Variants in RCOR1 observed in about 807,000 individuals in gnomAD.
RCOR1 encodes the protein REST corepressor.
RCOR1 carries 12 observed loss-of-function variants against 64.0 expected under a neutral mutation model. That is an observed-to-expected ratio of 0.19 (90% confidence interval 0.12 to 0.30). The LOEUF is 0.30. Ranked by LOEUF, RCOR1 falls within the 10% of genes least tolerant of loss-of-function variation. The pLI is 1.00. For synonymous variants in RCOR1, 279 were observed against 227.2 expected (o/e 1.23, Z -2.05); for missense variants, 502 against 621.2 (o/e 0.81, Z 2.04).
At chr14:102,652,840 G>A (rs1358443289) in intron 2 of RCOR1, among the ~76,000 whole-genome samples, 1 of 152,090 alleles carries the variant, frequency 6.6e-6, no homozygotes, top group African/African-American at 2.4e-5. Flanking sequence ...AATGTGTATC[G>A]GGAAGATTTG....
intron 2 of RCOR1, among the ~76,000 whole-genome samples, chr14:102,661,973 C>T (rs1049278279): frequency 3.3e-5 from 5 of 152,016 alleles, no homozygotes; most frequent in Non-Finnish European, 5.9e-5. Flanking sequence ...GTTGCCCAGG[C>T]TGGTCTCAAA....
intron 2 of RCOR1, among the ~76,000 whole-genome samples, chr14:102,662,901 G>A (rs574641030): frequency 6.6e-6 from 1 of 152,128 alleles, no homozygotes; most frequent in African/African-American, 2.4e-5. Context: ...ATTGCTAGAG[G>A]CTCGGGTAAA....
At chr14:102,650,387 T>G (rs2139928946) in intron 2 of RCOR1, among the ~76,000 whole-genome samples, 1 of 1,284 alleles carries the variant, frequency 7.8e-4, no homozygotes, top group East Asian at 0.028. Flanking sequence ...AATGGATGGA[T>G]GGGTGGGTGG....
At chr14:102,660,503 C>T (rs1261633686) in intron 2 of RCOR1, among the ~76,000 whole-genome samples, 2 of 152,064 alleles carry the variant, frequency 1.3e-5, no homozygotes, top group Non-Finnish European at 2.9e-5. Flanking sequence ...ATCCTCCCAC[C>T]TTAGCCTCCC....
chr14:102,685,374 G>A (rs1359999742), intron 3 of RCOR1, among the ~76,000 whole-genome samples: 2 of 150,070 alleles, frequency 1.3e-5, no homozygotes, highest in Admixed American at 1.3e-4. Context: ...AAAATTACCT[G>A]TATTACCTAT....
chr14:102,686,181 G>A (rs1040764906), intron 3 of RCOR1, among the ~76,000 whole-genome samples: 19 of 151,998 alleles, frequency 1.3e-4, no homozygotes, highest in African/African-American at 4.4e-4. Context: ...GCTCACTGCA[G>A]CCTTGAACTC....
intron 11 of RCOR1, among the ~76,000 whole-genome samples, chr14:102,725,473 C>T (rs1012275441): frequency 1.3e-5 from 2 of 152,194 alleles, no homozygotes; most frequent in South Asian, 2.1e-4. Flanking sequence ...CAGCTAGAAC[C>T]AGTGACTGGG....
intron 2 of RCOR1, among the ~76,000 whole-genome samples, chr14:102,638,400 A>T (rs879853397): frequency 2.0e-5 from 3 of 151,954 alleles, no homozygotes; most frequent in Non-Finnish European, 2.9e-5. Context: ...TTTTTGAGTC[A>T]TATTTTCGTT....
rs1169341008 is a variant in RCOR1, at chr14:102,729,820, A to G, written c.*3314A>G. ...CTAACTGGATCCCTGCTTTTATGTG[A>G]GCTAAGGAAAGATGGAGCCAACTCC... On this transcript the variant is annotated 3_prime_UTR_variant, in exon 12 of 12. Transcript: ENST00000262241. 2.5e-6 allele frequency: 1 copy of G among 398,952 alleles called. No individual in the cohort carries two copies. The highest frequency in any genetic ancestry group is 4.4e-6 in the Non-Finnish European group (1 of 226,072). 24.7% of individuals were successfully genotyped at this position (398,952 alleles called of 1,614,324 possible).
intron 2 of RCOR1, among the ~76,000 whole-genome samples, chr14:102,610,565 T>C (rs1050165268): frequency 1.7e-4 from 26 of 152,096 alleles, no homozygotes; most frequent in Admixed American, 1.6e-3. Context: ...ATTATTATTA[T>C]TATTTTTGTG....
chr14:102,696,755 C>T (rs1021717511), intron 3 of RCOR1, among the ~76,000 whole-genome samples: 2 of 151,104 alleles, frequency 1.3e-5, no homozygotes, highest in Non-Finnish European at 2.9e-5. Context: ...TTCTCCTGCT[C>T]CTCTTCCTTC....
chr14:102,645,881 C>T (rs990387294), intron 2 of RCOR1, among the ~76,000 whole-genome samples: 2 of 152,194 alleles, frequency 1.3e-5, no homozygotes, highest in Non-Finnish European at 2.9e-5. Flanking sequence ...GAGCCGCCTC[C>T]ACAAGGTCTC....
chr14:102,614,914 C>T lies in RCOR1; in HGVS notation c.361+21589C>T, dbSNP rs1453919084. ...TGGCGTGATCTCGGCTCACTGCAAG[C>T]TCCACCTCCCGGGTTCATACCATTC... On this transcript the variant is annotated intron_variant, in intron 2 of 11. Transcript: ENST00000262241. 5.9e-5 allele frequency among the ~76,000 whole-genome samples: 9 copies of T among 151,794 alleles called. No homozygotes were observed. The East Asian group carries it at 1.7e-3, about 29-fold the overall frequency.
chr14:102,616,016 G>A (rs1482583118), intron 2 of RCOR1, among the ~76,000 whole-genome samples: 1 of 152,114 alleles, frequency 6.6e-6, no homozygotes, highest in Admixed American at 6.5e-5. Context: ...CATCACACAG[G>A]TTGAGGACTC....
At chr14:102,605,621 A>G (rs1343829166) in intron 2 of RCOR1, among the ~76,000 whole-genome samples, 3 of 152,218 alleles carry the variant, frequency 2.0e-5, no homozygotes, top group Admixed American at 2.0e-4. Context: ...TATGTATAGT[A>G]CATAGTACTT....
At chr14:102,614,128 C>T (rs1893696722) in intron 2 of RCOR1, among the ~76,000 whole-genome samples, 1 of 151,414 alleles carries the variant, frequency 6.6e-6, no homozygotes, top group African/African-American at 2.4e-5. Context: ...TTCCCAACCT[C>T]AGGTGATCTA....
At chr14:102,710,115 T>C (rs901548661) in intron 6 of RCOR1, among the ~76,000 whole-genome samples, 4 of 152,170 alleles carry the variant, frequency 2.6e-5, no homozygotes, top group Non-Finnish European at 5.9e-5. Flanking sequence ...TTTCTTGTTG[T>C]GGACACTCTT....
At chr14:102,688,021 C>T (rs1895457145) in intron 3 of RCOR1, among the ~76,000 whole-genome samples, 1 of 147,594 alleles carries the variant, frequency 6.8e-6, no homozygotes, top group Non-Finnish European at 1.5e-5. Context: ...TGCTGGAGTA[C>T]AGTGGCGTGA....
chr14:102,661,141 A>C (rs1456286207), intron 2 of RCOR1, among the ~76,000 whole-genome samples: 9 of 152,138 alleles, frequency 5.9e-5, no homozygotes, highest in Non-Finnish European at 1.3e-4. Flanking sequence ...GAGCCCAGGA[A>C]TTCGAGACCA....
Sources: allele counts gnomAD v4.1 joint callset (sites outside exome capture counted in the v4.1 genomes callset), GRCh38; gene constraint gnomAD v4.1.1; transcripts MANE v1.5; gene names NCBI Gene and HGNC (gene_info 2026-07-23, HGNC 2026-07-21).